The following WASL variants were observed in gnomAD, a reference collection of about 807,000 sequenced individuals.
WASL encodes actin nucleation-promoting factor WASL.
A neutral mutation model predicts 55.5 loss-of-function variants in WASL; 20 were observed. The observed-to-expected ratio is 0.36, with a 90% CI of 0.25 to 0.52. The LOEUF (loss-of-function observed/expected upper bound fraction) is 0.52, where lower values mean the gene tolerates loss of function less well. WASL is among the 20% of genes least tolerant of loss of function. WASL has a pLI of 0.92. For missense variants in WASL, 504 were observed against 622.5 expected (o/e 0.81, Z 2.03); for synonymous variants, 249 against 217.6 (o/e 1.14, Z -1.27).
At chr7:123,694,609 ATTCTGC>A (rs1379359150) in intron 8 of WASL, 100 bp downstream of exon 8, 107 of 1,207,470 alleles carry the variant, frequency 8.9e-5, no homozygotes, top group Non-Finnish European at 1.2e-4. Context: ...AGACTTCAAC[ATTCTGC>A]TCAAGGAAGG....
In WASL at chr7:123,689,055, G is replaced by T; in HGVS notation, c.1443C>A (p.Ala481=). Residue 481 remains alanine (A), a synonymous_variant, in exon 10 of 11, where the codon GCC becomes GCA. Coordinates refer to ENST00000223023, the MANE Select transcript of WASL (RefSeq NM_003941.4). The part of the protein sequence containing the change: ...LMEVMQKRSK[A]IHSSDEDEDE... ...CTCTCTCTCTACCTGAAGAATGAAT[G>T]GCTTTGCTCCTTTTCTGCATCACTT... is the stretch of plus-strand genomic sequence containing the variant. 1 of 1,603,154 alleles carries T rather than the reference G, an allele frequency of 6.2e-7. No homozygotes were observed. Among genetic ancestry groups the T allele is most frequent in the Non-Finnish European group, 8.5e-7 (1 of 1,171,528 alleles).
In WASL at chr7:123,696,803, A is replaced by C. The variant is rs574395038; in HGVS notation, c.461-56T>G. 193 of 1,174,184 alleles carry C rather than the reference A, an allele frequency of 1.6e-4. 3 individuals carry two copies. The South Asian group carries it at 2.0e-3, about 12-fold the overall frequency. The allele number at this position is 1,174,184 out of a possible 1,614,324, so 72.7% of individuals were successfully genotyped here. A position where few individuals can be genotyped will look rare whatever the true frequency, so the allele number is the denominator to read the frequency against. On this transcript the variant is annotated intron_variant, in intron 5 of 10. Transcript: ENST00000223023. ...ATATAATTTAAGATAACTGATATACAATCATAATTTACAATTTAAATACTT... is the reference window on the plus strand; with the variant it reads ...ATATAATTTAAGATAACTGATATACCATCATAATTTACAATTTAAATACTT...
intron 9 of WASL, among the ~76,000 whole-genome samples, chr7:123,690,840 G>A (rs1467469444): frequency 6.6e-6 from 1 of 152,240 alleles, no homozygotes; most frequent in South Asian, 2.1e-4. Context: ...TGAGAGTTAC[G>A]GGAATGAGAA....
intron 1 of WASL, among the ~76,000 whole-genome samples, chr7:123,739,959 G>A (rs963437937): frequency 2.0e-5 from 3 of 150,112 alleles, no homozygotes; most frequent in South Asian, 2.1e-4. Flanking sequence ...ATCTTTTTGT[G>A]CATAATTTTT....
intron 1 of WASL, among the ~76,000 whole-genome samples, chr7:123,740,092 G>T (rs569133017): frequency 6.6e-6 from 1 of 151,922 alleles, no homozygotes; most frequent in African/African-American, 2.4e-5. Flanking sequence ...ACTTGACTAC[G>T]TTTCACTAAT....
chr7:123,748,666 G>C lies in WASL; in HGVS notation c.69C>G (p.Thr23=), dbSNP rs761908135. 6 of 1,612,930 alleles carry C rather than the reference G, an allele frequency of 3.7e-6. No individual in the cohort carries two copies. The highest frequency in any genetic ancestry group is 5.1e-6 in the Non-Finnish European group (6 of 1,179,566). The change falls in exon 1 of 11, where the codon ACC becomes ACG. Residue 23 remains threonine, a synonymous_variant. Coordinates refer to ENST00000223023, the MANE Select transcript of WASL (RefSeq NM_003941.4). ...RVTNVGSLLL[T]PQENESLFTF... ...TGAAGAGGGACTCGTTCTCCTGCGG[G>C]GTGAGCAACAGGGACCCCACGTTGG...
chr7:123,696,558 A>C, intron 6 of WASL, 21 bp downstream of exon 6: 1 of 1,532,152 alleles, frequency 6.5e-7, no homozygotes, highest in Non-Finnish European at 8.7e-7. Flanking sequence ...GAAGATAAGA[A>C]CAACAAAAGA....
chr7:123,714,142 T>C (rs1803801421), intron 1 of WASL, among the ~76,000 whole-genome samples: 1 of 152,122 alleles, frequency 6.6e-6, no homozygotes, highest in Non-Finnish European at 1.5e-5. Context: ...ATAATTAAAG[T>C]AGCAACACCT....
At chr7:123,735,062 A>G (rs1804203199) in intron 1 of WASL, among the ~76,000 whole-genome samples, 1 of 151,820 alleles carries the variant, frequency 6.6e-6, no homozygotes, top group Non-Finnish European at 1.5e-5. Context: ...AAGAATAATA[A>G]GACAGCTGAG....
intron 6 of WASL, 23 bp downstream of exon 6, chr7:123,696,553 TAAG>T: frequency 6.6e-7 from 1 of 1,525,026 alleles, no homozygotes; most frequent in Non-Finnish European, 8.8e-7. Flanking sequence ...AAAGTGAAGA[TAAG>T]AACAACAAAA....
chr7:123,741,755 T>C (rs1804345815), intron 1 of WASL, among the ~76,000 whole-genome samples: 2 of 152,186 alleles, frequency 1.3e-5, no homozygotes, highest in African/African-American at 4.8e-5. Context: ...CCAGTTTTTA[T>C]AAAGACTTTT....
chr7:123,725,481 C>A (rs559847508), intron 1 of WASL, among the ~76,000 whole-genome samples: 19 of 151,926 alleles, frequency 1.3e-4, no homozygotes, highest in African/African-American at 3.9e-4. Context: ...AAACCTATTT[C>A]TATTTTAATT....
At chr7:123,735,024 C>T (rs1804202761) in intron 1 of WASL, among the ~76,000 whole-genome samples, 1 of 150,904 alleles carries the variant, frequency 6.6e-6, no homozygotes, top group Admixed American at 6.6e-5. Flanking sequence ...GCAAGCAGTC[C>T]TTCAAATATA....
chr7:123,698,385 T>C (rs1347613198), intron 5 of WASL, among the ~76,000 whole-genome samples: 1 of 151,828 alleles, frequency 6.6e-6, no homozygotes, highest in Non-Finnish European at 1.5e-5. Context: ...ATGGGTAAAT[T>C]GTATATACCC....
intron 1 of WASL, among the ~76,000 whole-genome samples, chr7:123,740,819 C>T (rs1156469282): frequency 6.6e-6 from 1 of 152,134 alleles, no homozygotes; most frequent in Non-Finnish European, 1.5e-5. Context: ...CTACTGGCCT[C>T]AAGTGATCTT....
At chr7:123,699,898 C>T (rs1405697360) in intron 5 of WASL, among the ~76,000 whole-genome samples, 4 of 151,976 alleles carry the variant, frequency 2.6e-5, no homozygotes, top group East Asian at 1.9e-4. Flanking sequence ...TATTTAAGGC[C>T]GGGCGCGGTG....
chr7:123,727,702 T>C (rs1008499225), intron 1 of WASL, among the ~76,000 whole-genome samples: 16 of 152,210 alleles, frequency 1.1e-4, no homozygotes, highest in African/African-American at 3.4e-4. Context: ...ATGGAACTTT[T>C]TGAGGTATTA....
At chr7:123,731,705 G>A (rs752190368) in intron 1 of WASL, among the ~76,000 whole-genome samples, 2 of 152,102 alleles carry the variant, frequency 1.3e-5, no homozygotes, top group African/African-American at 2.4e-5. Context: ...TGAGTCAAAG[G>A]AGTCTCAAGA....
intron 1 of WASL, among the ~76,000 whole-genome samples, chr7:123,738,610 T>C (rs1327711251): frequency 1.3e-5 from 2 of 152,236 alleles, no homozygotes; most frequent in African/African-American, 4.8e-5. Context: ...GAATGACAAC[T>C]AGATTTCATC....
Sources: allele counts gnomAD v4.1 joint callset (sites outside exome capture counted in the v4.1 genomes callset), GRCh38; gene constraint gnomAD v4.1.1; transcripts MANE v1.5; gene names NCBI Gene and HGNC (gene_info 2026-07-23, HGNC 2026-07-21).